The following SLC30A9 variants were observed in gnomAD, a reference collection of about 807,000 sequenced individuals.
The protein encoded by SLC30A9 is proton-coupled zinc antiporter SLC30A9, mitochondrial.
In SLC30A9, 58 loss-of-function variants were observed where a neutral mutation model predicts 87.5. The observed-to-expected ratio is 0.66, with a 90% CI of 0.54 to 0.82. SLC30A9 has a LOEUF of 0.82. Ranked by LOEUF, SLC30A9 falls within the 40% of genes least tolerant of loss-of-function variation. SLC30A9 has a pLI of 0.00. For synonymous variants in SLC30A9, 234 were observed against 233.0 expected, an observed-to-expected ratio of 1.00 and a Z score of -0.04; for missense variants, 557 against 679.1, an observed-to-expected ratio of 0.82 and a Z score of 2.00.
intron 15 of SLC30A9, 142 bp downstream of exon 15, chr4:42,070,833 A>C: frequency 1.7e-6 from 1 of 578,632 alleles, no homozygotes; most frequent in Non-Finnish European, 2.8e-6. Flanking sequence ...CAGAATTATA[A>C]TCCTGGAAGT....
In SLC30A9 at chr4:42,063,130, CTT is replaced by C; in HGVS notation, c.1032+15_1032+16del. On this transcript the variant is annotated intron_variant, in intron 11 of 17. Transcript: ENST00000264451. ...TAGAATCCCTTCTATGGGTAATCCTCTTTTTTTCTCCTCAGTTTTGATGTCTT... is the reference window on the plus strand; with the variant it reads ...TAGAATCCCTTCTATGGGTAATCCTCTTTTTCTCCTCAGTTTTGATGTCTT... 6.2e-7 allele frequency: 1 copy of C among 1,611,460 alleles called. No homozygotes were observed. Among genetic ancestry groups the C allele is most frequent in the African/African-American group, 1.3e-5 (1 of 74,884 alleles).
At chr4:42,033,529 A>G (rs962632830) in intron 6 of SLC30A9, among the ~76,000 whole-genome samples, 58 of 152,190 alleles carry the variant, frequency 3.8e-4, no homozygotes, top group African/African-American at 1.3e-3. Flanking sequence ...ACACATTTGT[A>G]TTAAACGCCA....
chr4:42,040,192 G>C lies in SLC30A9; in HGVS notation c.737+1139G>C, dbSNP rs530177675. On this transcript the variant is annotated intron_variant, in intron 8 of 17. Transcript: ENST00000264451. ...AGGGTGGGAGCAGAGAAAATGATGAGTTCATTTTTGAGCTGGTGGTATGTT... is the reference window on the plus strand; with the variant it reads ...AGGGTGGGAGCAGAGAAAATGATGACTTCATTTTTGAGCTGGTGGTATGTT... Among the ~76,000 whole-genome samples, 9 of 152,220 alleles carry C rather than the reference G, an allele frequency of 5.9e-5. No individual in the cohort carries two copies. In the South Asian group the frequency reaches 1.2e-3, roughly 21 times the overall value.
intron 8 of SLC30A9, among the ~76,000 whole-genome samples, chr4:42,042,667 TC>T (rs1716971405): frequency 6.6e-6 from 1 of 152,100 alleles, no homozygotes; most frequent in Non-Finnish European, 1.5e-5. Flanking sequence ...ACTTAAACGT[TC>T]CTGTCTGCTG....
At chr4:42,020,179 A>G (rs1165306861) in intron 3 of SLC30A9, among the ~76,000 whole-genome samples, 4 of 152,196 alleles carry the variant, frequency 2.6e-5, no homozygotes, top group Non-Finnish European at 5.9e-5. Context: ...TTCATTAGAC[A>G]AAGGTTGACA....
intron 2 of SLC30A9, among the ~76,000 whole-genome samples, chr4:42,005,607 G>T (rs1014454518): frequency 6.6e-6 from 1 of 152,154 alleles, no homozygotes; most frequent in Non-Finnish European, 1.5e-5. Context: ...AGCTCTGGAG[G>T]TAGAAATAAG....
chr4:42,058,941 T>G (rs993323922), intron 9 of SLC30A9, among the ~76,000 whole-genome samples: 5 of 152,306 alleles, frequency 3.3e-5, no homozygotes, highest in African/African-American at 1.2e-4. Flanking sequence ...TTAGTTTAAT[T>G]CCCTGAAAAA....
chr4:42,018,338 T>C (rs1715806723), intron 3 of SLC30A9, 168 bp downstream of exon 3: 3 of 902,738 alleles, frequency 3.3e-6, no homozygotes, highest in Non-Finnish European at 4.9e-6. Context: ...ACATATAAAC[T>C]AATTTTCTAT....
At chr4:41,998,177 T>G (rs963607303) in intron 1 of SLC30A9, among the ~76,000 whole-genome samples, 11 of 152,164 alleles carry the variant, frequency 7.2e-5, no homozygotes, top group African/African-American at 2.7e-4. Flanking sequence ...GCAGTGGCCA[T>G]TAGGTCACTA....
intron 9 of SLC30A9, among the ~76,000 whole-genome samples, chr4:42,057,109 C>G (rs902762789): frequency 6.6e-6 from 1 of 152,234 alleles, no homozygotes; most frequent in African/African-American, 2.4e-5. Context: ...CAGGGGCTGG[C>G]ATTGAGTGTC....
intron 8 of SLC30A9, among the ~76,000 whole-genome samples, chr4:42,042,846 G>T (rs184696113): frequency 2.1e-4 from 32 of 152,256 alleles, no homozygotes; most frequent in Non-Finnish European, 3.7e-4. Flanking sequence ...CATCTGGCAG[G>T]TGCTCCTCTG....
At chr4:42,062,948 T>A (rs1717923409) in intron 10 of SLC30A9, 38 bp from the exon 11 acceptor site, 1 of 1,577,144 alleles carries the variant, frequency 6.3e-7, no homozygotes, top group East Asian at 2.2e-5. Flanking sequence ...AGAAACCATT[T>A]GTATTTCTTG....
In SLC30A9 at chr4:42,089,511, A is replaced by C. The variant is rs1577731294; in HGVS notation, c.*3385A>C. ...ACAATTGCAGCTCACCGCAACCTTC[A>C]CCTCCCGATTCAAGTGATTCTCCTG... is the stretch of plus-strand genomic sequence containing the variant. On this transcript the variant is annotated 3_prime_UTR_variant, in exon 18 of 18. Coordinates refer to ENST00000264451, the MANE Select transcript of SLC30A9 (RefSeq NM_006345.4). 6.6e-6 allele frequency: 1 copy of C among 151,864 alleles called. No individual in the cohort carries two copies. The highest frequency in any genetic ancestry group is 2.4e-5 in the African/African-American group (1 of 41,378). The allele number at this position is 151,864 out of a possible 1,614,324, so 9.4% of individuals were successfully genotyped here.
intron 17 of SLC30A9, 31 bp from the exon 18 acceptor site, chr4:42,086,051 C>T (rs1374050045): frequency 1.9e-6 from 2 of 1,058,294 alleles, no homozygotes; most frequent in Non-Finnish European, 2.6e-6. Flanking sequence ...TATTTTGCTA[C>T]AAATAATGTG....
chr4:42,010,570 C>T (rs1038803725), intron 2 of SLC30A9, among the ~76,000 whole-genome samples: 5 of 152,170 alleles, frequency 3.3e-5, no homozygotes, highest in Admixed American at 3.3e-4. Context: ...AAGAAATATA[C>T]TAAAAATTAC....
chr4:42,031,288 T>TA (rs912472202), intron 6 of SLC30A9, among the ~76,000 whole-genome samples: 6 of 151,636 alleles, frequency 4.0e-5, no homozygotes, highest in Non-Finnish European at 7.4e-5. Flanking sequence ...ACAGAAGACA[T>TA]CTGCAGCAGA....
intron 8 of SLC30A9, 87 bp from the exon 9 acceptor site, chr4:42,049,290 G>A (rs900127926): frequency 1.4e-5 from 10 of 711,144 alleles, no homozygotes; most frequent in Middle Eastern, 5.7e-4. Flanking sequence ...ACAGAATCTA[G>A]TGTAGAGATA....
At chr4:42,025,736 G>C (rs1390709076) in intron 6 of SLC30A9, among the ~76,000 whole-genome samples, 2 of 152,142 alleles carry the variant, frequency 1.3e-5, no homozygotes, top group East Asian at 3.9e-4. Flanking sequence ...CGCAATCTCA[G>C]CTCACTGTAA....
chr4:41,997,486 G>C (rs562369467), intron 1 of SLC30A9, among the ~76,000 whole-genome samples: 4 of 151,600 alleles, frequency 2.6e-5, no homozygotes, highest in Non-Finnish European at 5.9e-5. Context: ...GAAAGTATAA[G>C]GTATAAAGTA....
Sources: allele counts gnomAD v4.1 joint callset (sites outside exome capture counted in the v4.1 genomes callset), GRCh38; gene constraint gnomAD v4.1.1; transcripts MANE v1.5; gene names NCBI Gene and HGNC (gene_info 2026-07-23, HGNC 2026-07-21).